Variants in RBM33 observed in about 807,000 individuals in gnomAD.
RBM33 encodes RNA binding motif protein 33, also known as RNA-binding protein 33.
RBM33 carries 28 observed loss-of-function variants against 132.6 expected under a neutral mutation model. That is an observed-to-expected ratio of 0.21 (90% CI 0.16 to 0.29). The LOEUF (loss-of-function observed/expected upper bound fraction) is 0.29, where lower values mean the gene tolerates loss of function less well. RBM33 is among the 10% of genes least tolerant of loss of function. The pLI is 1.00. For synonymous variants in RBM33, 634 were observed against 593.0 expected, an observed-to-expected ratio of 1.07 and a Z score of -1.01; for missense variants, 1,291 against 1,518.5, an observed-to-expected ratio of 0.85 and a Z score of 2.49.
intron 1 of RBM33, 79 bp downstream of exon 1, chr7:155,644,998 TAGGAGAGG>T: frequency 2.6e-6 from 3 of 1,138,372 alleles, no homozygotes; most frequent in Non-Finnish European, 3.6e-6. Context: ...CCTCCCCGCT[TAGGAGAGG>T]ACGAGGCTCT....
intron 1 of RBM33, among the ~76,000 whole-genome samples, chr7:155,659,902 G>C (rs562106726): frequency 1.1e-3 from 162 of 152,204 alleles, no homozygotes; most frequent in African/African-American, 3.8e-3. Context: ...GCATTCCTTG[G>C]CTTATGGCAG....
At chr7:155,645,037 G>T (rs1798140119) in intron 1 of RBM33, 118 bp downstream of exon 1, 5 of 709,786 alleles carry the variant, frequency 7.0e-6, no homozygotes, top group Admixed American at 7.7e-5. Context: ...GACTCTCTTT[G>T]TGTTCGGCCT....
chr7:155,686,610 C>T (rs1054827904), intron 5 of RBM33, among the ~76,000 whole-genome samples: 1 of 152,028 alleles, frequency 6.6e-6, no homozygotes, highest in Non-Finnish European at 1.5e-5. Context: ...GGTATATCTC[C>T]TAATGCTGTC....
intron 1 of RBM33, among the ~76,000 whole-genome samples, chr7:155,660,428 A>C (rs73165201): frequency 0.017 from 2,596 of 152,302 alleles, 39 homozygotes; most frequent in Non-Finnish European, 0.025. Context: ...ACTTCAGCAT[A>C]TATTTTTTGG....
chr7:155,681,041 T>C (rs1799324442), intron 5 of RBM33, 133 bp downstream of exon 5: 3 of 695,382 alleles, frequency 4.3e-6, no homozygotes, highest in Non-Finnish European at 7.1e-6. Flanking sequence ...CTCTGCCAGT[T>C]TCTTTATCTG....
intron 16 of RBM33, among the ~76,000 whole-genome samples, chr7:155,767,823 A>C (rs1398522563): frequency 1.3e-5 from 2 of 152,240 alleles, no homozygotes; most frequent in Admixed American, 1.3e-4. Flanking sequence ...ATTTCAAAAC[A>C]ATTGATCATA....
chr7:155,701,258 T>TG (rs1223738002), intron 6 of RBM33: 1 of 459,212 alleles, frequency 2.2e-6, no homozygotes, highest in Non-Finnish European at 3.8e-6. Context: ...AAAGGTGGCA[T>TG]GGGGATGGTA....
intron 9 of RBM33, among the ~76,000 whole-genome samples, chr7:155,722,273 A>G (rs1283341413): frequency 6.6e-6 from 1 of 152,168 alleles, no homozygotes. Flanking sequence ...TGCTCTGTCC[A>G]GTCTTCTGGT....
rs1200675221 is a variant in RBM33, at chr7:155,644,790, C to T, written c.-87C>T. 5.9e-6 allele frequency: 7 copies of T among 1,179,846 alleles called. No individual in the cohort carries two copies. In the Admixed American group the frequency reaches 9.8e-5, roughly 17 times the overall value. The allele number at this position is 1,179,846 out of a possible 1,614,324, so 73.1% of individuals were successfully genotyped here. A position where few individuals can be genotyped will look rare whatever the true frequency, so the allele number is the denominator to read the frequency against. Reference sequence around the variant, plus strand: ...GCAGCCCCCTCCCTTCTCTGTCCTCCGTCACCCGTACCCGGGCCCGGACCA... The same window carrying T: ...GCAGCCCCCTCCCTTCTCTGTCCTCTGTCACCCGTACCCGGGCCCGGACCA... On this transcript the variant is annotated 5_prime_UTR_variant, in exon 1 of 18. Transcript: ENST00000401878.
At chr7:155,671,998 G>C (rs1798954820) in intron 2 of RBM33, among the ~76,000 whole-genome samples, 1 of 152,096 alleles carries the variant, frequency 6.6e-6, no homozygotes, top group Non-Finnish European at 1.5e-5. Context: ...ACAGAAATAT[G>C]CTAGAAAAAA....
intron 3 of RBM33, among the ~76,000 whole-genome samples, chr7:155,673,940 G>GTTGTTTTTTTTTTTTTTT: frequency 1.8e-5 from 1 of 54,214 alleles, no homozygotes; most frequent in African/African-American, 8.3e-5. Flanking sequence ...TTTAGGCTTA[G>GTTGTTTTTTTTTTTTTTT]TTTTTTTTTT....
At chr7:155,754,245 GCTCA>G (rs2117051183) in intron 14 of RBM33, among the ~76,000 whole-genome samples, 1 of 152,294 alleles carries the variant, frequency 6.6e-6, no homozygotes, top group African/African-American at 2.4e-5. Flanking sequence ...ATCAGGATTA[GCTCA>G]CTCACCCACC....
intron 6 of RBM33, among the ~76,000 whole-genome samples, chr7:155,704,045 C>G (rs1800042674): frequency 6.6e-6 from 1 of 152,120 alleles, no homozygotes; most frequent in African/African-American, 2.4e-5. Flanking sequence ...ATTTCTGACT[C>G]TAAAAGTTTA....
chr7:155,659,830 A>G (rs1798592295), intron 1 of RBM33, among the ~76,000 whole-genome samples: 1 of 152,206 alleles, frequency 6.6e-6, no homozygotes, highest in South Asian at 2.1e-4. Flanking sequence ...CAGCAGGGCC[A>G]CACTCCCTGT....
intron 4 of RBM33, among the ~76,000 whole-genome samples, chr7:155,680,018 AATTT>A (rs1316807911): frequency 2.0e-5 from 3 of 152,194 alleles, no homozygotes; most frequent in Non-Finnish European, 2.9e-5. Context: ...GACTAATATA[AATTT>A]ATTTATTTGA....
At chr7:155,711,881 G>T (rs560116576) in intron 8 of RBM33, among the ~76,000 whole-genome samples, 1 of 152,188 alleles carries the variant, frequency 6.6e-6, no homozygotes, top group Non-Finnish European at 1.5e-5. Context: ...GCATCTGAAG[G>T]CATTTATTAG....
At chr7:155,740,771 C>T (rs1801305466) in intron 12 of RBM33, among the ~76,000 whole-genome samples, 2 of 152,054 alleles carry the variant, frequency 1.3e-5, no homozygotes, top group African/African-American at 2.4e-5. Flanking sequence ...AGGGTTTTTG[C>T]CTCCATTAAA....
intron 1 of RBM33, among the ~76,000 whole-genome samples, chr7:155,654,426 A>C (rs888306786): frequency 6.6e-6 from 1 of 152,034 alleles, no homozygotes; most frequent in Non-Finnish European, 1.5e-5. Flanking sequence ...CCTTTCCTAA[A>C]CTGAGGCTGT....
chr7:155,644,706 C>T lies in RBM33; in HGVS notation c.-171C>T, dbSNP rs950046794. 8.2e-6 allele frequency: 4 copies of T among 488,418 alleles called. No homozygotes were observed. Among genetic ancestry groups the T allele is most frequent in the Admixed American group, 8.7e-5 (2 of 22,864 alleles). The allele number at this position is 488,418 out of a possible 1,614,324, so 30.3% of individuals were successfully genotyped here. ...GTTGCGGTAGTTTGTTGTTTTCTTC[C>T]TGCGGAGGCGAAGGGCCAGCTGTGG... On this transcript the variant is annotated 5_prime_UTR_variant, in exon 1 of 18. Coordinates refer to ENST00000401878, the MANE Select transcript of RBM33 (RefSeq NM_053043.3).
Sources: gnomAD v4.1 joint callset for allele counts (sites outside exome capture counted in the v4.1 genomes callset) on GRCh38, gnomAD v4.1.1 for gene constraint, MANE v1.5 for transcripts, NCBI Gene and HGNC (gene_info 2026-07-23, HGNC 2026-07-21) for gene names.